SPAG16: variants seen among roughly 807,000 people sequenced by gnomAD.
SPAG16 encodes the protein sperm-associated antigen 16 protein.
A neutral mutation model predicts 80.4 loss-of-function variants in SPAG16; 86 were observed. The ratio of observed to expected loss-of-function variants is 1.07; its 90% CI spans 0.90 to 1.28. SPAG16 has a LOEUF of 1.28. SPAG16 is among the 50% of genes most tolerant of loss of function. SPAG16 has a pLI of 0.00. For synonymous variants in SPAG16, 294 were observed against 265.9 expected (o/e 1.11, Z -1.03); for missense variants, 870 against 765.3 (o/e 1.14, Z -1.61).
chr2:214,066,335 G>A (rs1242678576), intron 13 of SPAG16, among the ~76,000 whole-genome samples: 1 of 152,194 alleles, frequency 6.6e-6, no homozygotes, highest in Admixed American at 6.6e-5. Flanking sequence ...CTAAAATGCT[G>A]TAGCTCTTCC....
chr2:213,616,305 T>C (rs1310482387), intron 10 of SPAG16, among the ~76,000 whole-genome samples: 1 of 152,252 alleles, frequency 6.6e-6, no homozygotes, highest in African/African-American at 2.4e-5. Context: ...ATTGAGCAGA[T>C]TATACTATAA....
chr2:214,196,862 A>G (rs1293741690), intron 15 of SPAG16, among the ~76,000 whole-genome samples: 1 of 152,054 alleles, frequency 6.6e-6, no homozygotes, highest in Non-Finnish European at 1.5e-5. Flanking sequence ...TCAAAACCAC[A>G]GAGCCTACAA....
At chr2:213,503,860 G>A (rs2074854203) in intron 10 of SPAG16, among the ~76,000 whole-genome samples, 1 of 152,220 alleles carries the variant, frequency 6.6e-6, no homozygotes, top group South Asian at 2.1e-4. Context: ...CACAGAAGGT[G>A]AGGGTTAGTG....
intron 10 of SPAG16, among the ~76,000 whole-genome samples, chr2:213,573,233 G>T (rs889734647): frequency 1.3e-4 from 20 of 151,962 alleles, no homozygotes; most frequent in African/African-American, 4.4e-4. Flanking sequence ...GACCGGAGCT[G>T]TTCCTATTCG....
At chr2:213,734,955 G>A (rs557304457) in intron 10 of SPAG16, among the ~76,000 whole-genome samples, 2 of 77,520 alleles carry the variant, frequency 2.6e-5, no homozygotes, top group East Asian at 9.3e-4. Flanking sequence ...CCCCTAAGGT[G>A]CCTTTCTAGA....
At chr2:213,747,307 A>C (rs904503831) in intron 10 of SPAG16, among the ~76,000 whole-genome samples, 4 of 152,264 alleles carry the variant, frequency 2.6e-5, no homozygotes, top group Non-Finnish European at 4.4e-5. Context: ...GATTTTAAAA[A>C]ATTTATGAAG....
chr2:214,356,828 G>T (rs990010024), intron 15 of SPAG16, among the ~76,000 whole-genome samples: 1 of 151,752 alleles, frequency 6.6e-6, no homozygotes, highest in Non-Finnish European at 1.5e-5. Flanking sequence ...TAATGATTTT[G>T]TATTACCTAC....
chr2:213,528,766 T>A (rs1450803120), intron 10 of SPAG16, among the ~76,000 whole-genome samples: 1 of 152,106 alleles, frequency 6.6e-6, no homozygotes, highest in Non-Finnish European at 1.5e-5. Flanking sequence ...AAACACTAAC[T>A]ATAGCTGATC....
intron 7 of SPAG16, among the ~76,000 whole-genome samples, chr2:213,359,198 G>C (rs1485900702): frequency 6.6e-6 from 1 of 152,188 alleles, no homozygotes; most frequent in Non-Finnish European, 1.5e-5. Context: ...GGCCCCTACT[G>C]GGAGGTGTCT....
chr2:213,727,400 G>A (rs1230738518), intron 10 of SPAG16, among the ~76,000 whole-genome samples: 3 of 152,108 alleles, frequency 2.0e-5, no homozygotes, highest in African/African-American at 7.2e-5. Context: ...GAGTGTGACA[G>A]GACCTGCTAA....
chr2:213,544,678 A>G (rs2076559231), intron 10 of SPAG16, among the ~76,000 whole-genome samples: 1 of 151,992 alleles, frequency 6.6e-6, no homozygotes, highest in Non-Finnish European at 1.5e-5. Context: ...ACCTATTCAT[A>G]TCGCTCCCCC....
intron 10 of SPAG16, among the ~76,000 whole-genome samples, chr2:213,857,467 T>G (rs558363254): frequency 6.6e-6 from 1 of 152,306 alleles, no homozygotes; most frequent in East Asian, 1.9e-4. Context: ...GATTTATAAA[T>G]GTAACAACAA....
intron 13 of SPAG16, among the ~76,000 whole-genome samples, chr2:214,084,596 T>A (rs146422059): frequency 4.6e-5 from 7 of 152,186 alleles, no homozygotes; most frequent in African/African-American, 1.7e-4. Context: ...GATCCTTGTA[T>A]AGATGATAAT....
At chr2:213,387,171 C>T (rs1020643237) in intron 9 of SPAG16, among the ~76,000 whole-genome samples, 1 of 151,830 alleles carries the variant, frequency 6.6e-6, no homozygotes, top group African/African-American at 2.4e-5. Context: ...AGTCCAAATT[C>T]ATTACTTTAA....
At chr2:213,455,933 G>C (rs1213309529) in intron 9 of SPAG16, among the ~76,000 whole-genome samples, 1 of 152,100 alleles carries the variant, frequency 6.6e-6, no homozygotes, top group African/African-American at 2.4e-5. Flanking sequence ...TTCCATTCCA[G>C]GTTGCCCTTT....
At chr2:213,720,273 C>T (rs2066454394) in intron 10 of SPAG16, among the ~76,000 whole-genome samples, 1 of 151,930 alleles carries the variant, frequency 6.6e-6, no homozygotes, top group Non-Finnish European at 1.5e-5. Context: ...CATCATGGCA[C>T]GTGTATACCT....
At chr2:213,369,514 A>G (rs1325814194) in intron 8 of SPAG16, among the ~76,000 whole-genome samples, 2 of 152,150 alleles carry the variant, frequency 1.3e-5, no homozygotes, top group African/African-American at 4.8e-5. Context: ...TATCTGTACA[A>G]TTACAGTGCA....
chr2:214,199,593 G>A (rs1054421662), intron 15 of SPAG16, among the ~76,000 whole-genome samples: 4 of 151,904 alleles, frequency 2.6e-5, no homozygotes, highest in Admixed American at 2.0e-4. Context: ...GGCTACTTTT[G>A]GCTCCATATG....
At chr2:214,023,568 A>G (rs2047991987) in intron 13 of SPAG16, among the ~76,000 whole-genome samples, 1 of 151,856 alleles carries the variant, frequency 6.6e-6, no homozygotes, top group African/African-American at 2.4e-5. Context: ...TAGGTAGAAA[A>G]GCATTTTACT....
Sources: allele counts gnomAD v4.1 joint callset (sites outside exome capture counted in the v4.1 genomes callset), GRCh38; gene constraint gnomAD v4.1.1; transcripts MANE v1.5; gene names NCBI Gene and HGNC (gene_info 2026-07-23, HGNC 2026-07-21).